GRID2: variants seen among roughly 807,000 people sequenced by gnomAD.
GRID2 encodes glutamate receptor ionotropic, delta-2.
A neutral mutation model predicts 114.8 loss-of-function variants in GRID2; 33 were observed. The observed-to-expected ratio is 0.29, with a 90% CI of 0.22 to 0.38. The LOEUF (loss-of-function observed/expected upper bound fraction) is 0.38, where lower values mean the gene tolerates loss of function less well. Among genes scored for constraint, GRID2 ranks in the 10% least tolerant of loss-of-function variants. The pLI is 1.00. For synonymous variants in GRID2, 505 were observed against 449.9 expected (o/e 1.12, Z -1.55); for missense variants, 1,184 against 1,257.7 (o/e 0.94, Z 0.89).
At chr4:92,755,657 C>T (rs1476782813) in intron 2 of GRID2, among the ~76,000 whole-genome samples, 1 of 151,790 alleles carries the variant, frequency 6.6e-6, no homozygotes, top group Non-Finnish European at 1.5e-5. Flanking sequence ...ATTAATGAAA[C>T]AAAAAGGAGG....
intron 2 of GRID2, among the ~76,000 whole-genome samples, chr4:92,766,358 G>A (rs923612573): frequency 1.3e-5 from 2 of 152,042 alleles, no homozygotes; most frequent in South Asian, 2.1e-4. Context: ...CTAACATGGT[G>A]AAACCCCGTC....
intron 13 of GRID2, among the ~76,000 whole-genome samples, chr4:93,547,774 T>C (rs1293756344): frequency 6.6e-6 from 1 of 152,166 alleles, no homozygotes; most frequent in African/African-American, 2.4e-5. Flanking sequence ...CTGACCTAAG[T>C]AGGAGCTTGT....
chr4:93,289,810 G>A (rs913528399), intron 8 of GRID2, among the ~76,000 whole-genome samples: 1 of 151,986 alleles, frequency 6.6e-6, no homozygotes, highest in Admixed American at 6.6e-5. Flanking sequence ...TTGTGGGTAC[G>A]TACATATAAC....
chr4:93,589,501 C>T (rs547073853), intron 13 of GRID2, among the ~76,000 whole-genome samples: 26 of 152,044 alleles, frequency 1.7e-4, no homozygotes, highest in Admixed American at 5.2e-4. Flanking sequence ...TGAATAATGC[C>T]GCAATAAACA....
At chr4:93,309,541 AAAT>A (rs144251678) in intron 8 of GRID2, among the ~76,000 whole-genome samples, 3 of 151,274 alleles carry the variant, frequency 2.0e-5, no homozygotes, top group Admixed American at 6.6e-5. Context: ...TTGTCTCAAA[AAAT>A]AATAATAATA....
intron 10 of GRID2, among the ~76,000 whole-genome samples, chr4:93,440,329 A>G (rs561294196): frequency 7.0e-4 from 107 of 152,162 alleles, no homozygotes; most frequent in African/African-American, 2.5e-3. Flanking sequence ...AAATGAGGAG[A>G]TAGCTTTGCA....
chr4:93,015,584 G>A (rs904958132), intron 2 of GRID2, among the ~76,000 whole-genome samples: 1 of 152,096 alleles, frequency 6.6e-6, no homozygotes, highest in Non-Finnish European at 1.5e-5. Flanking sequence ...CATGAACAAG[G>A]ACCTTCCTGG....
At chr4:92,867,058 A>T (rs1051690232) in intron 2 of GRID2, among the ~76,000 whole-genome samples, 5 of 152,092 alleles carry the variant, frequency 3.3e-5, no homozygotes, top group African/African-American at 1.2e-4. Flanking sequence ...AGTTTAAATG[A>T]TTTTTATTAC....
Position 92,894,734 on chromosome 4 carries a change from A to G in GRID2, c.245-190261A>G, listed in dbSNP as rs557223759. Among the ~76,000 whole-genome samples, 129 of 152,276 alleles carry G rather than the reference A, an allele frequency of 8.5e-4. 1 individual carries two copies. The highest frequency in any genetic ancestry group is 3.4e-3 in the Middle Eastern group (1 of 294). On this transcript the variant is annotated intron_variant, in intron 2 of 15. Transcript: ENST00000282020. ...ATAATAAGATTGTTGAAAGTTCTCAAAATCTTGTTCAGTGAACCGTGCTTG... is the reference window on the plus strand; with the variant it reads ...ATAATAAGATTGTTGAAAGTTCTCAGAATCTTGTTCAGTGAACCGTGCTTG...
intron 1 of GRID2, among the ~76,000 whole-genome samples, chr4:92,399,366 A>G (rs1196474368): frequency 1.3e-5 from 2 of 152,106 alleles, no homozygotes; most frequent in African/African-American, 2.4e-5. Context: ...GCCCACTCCT[A>G]ATTGGAACCC....
Position 93,395,685 on chromosome 4 carries a change from G to T in GRID2, c.1324G>T (p.Val442Phe), listed in dbSNP as rs749047247. The T allele has an allele frequency of 1.9e-6, 3 of 1,539,904 alleles. No homozygotes were observed. Among genetic ancestry groups the T allele is most frequent in the African/African-American group, 1.4e-5 (1 of 73,214 alleles). Residue 442 changes from valine (V) to phenylalanine (F), a missense_variant, in exon 9 of 16, where the codon GTT becomes TTT. By Grantham distance (50) the Val-to-Phe change is conservative. Coordinates refer to ENST00000282020, the MANE Select transcript of GRID2 (RefSeq NM_001510.4). ...ATTGGAGAATAACATGCGTGGAGTG[G>T]TTCTACGTGTAGTAACTGTTCTGGT... Reference protein sequence around the residue: ...KKLENNMRGVVLRVVTVLEEP... With the variant: ...KKLENNMRGVFLRVVTVLEEP...
intron 2 of GRID2, among the ~76,000 whole-genome samples, chr4:92,982,132 T>A (rs1337227319): frequency 6.6e-6 from 1 of 151,708 alleles, no homozygotes; most frequent in Non-Finnish European, 1.5e-5. Context: ...TACTCAACTT[T>A]CTCTCTGTTA....
chr4:93,260,286 C>A (rs999419135), intron 8 of GRID2, among the ~76,000 whole-genome samples: 1 of 151,186 alleles, frequency 6.6e-6, no homozygotes, highest in Non-Finnish European at 1.5e-5. Flanking sequence ...TATATGTTAT[C>A]TTTATAAGAA....
In GRID2 at chr4:92,528,275, A is replaced by AATAT. The variant is rs147742394; in HGVS notation, c.89-61841_89-61838dup. 4.0e-4 allele frequency among the ~76,000 whole-genome samples: 58 copies of AATAT among 145,450 alleles called. 1 individual carries two copies. The South Asian group carries it at 5.4e-3, about 13-fold the overall frequency. The stretch of plus-strand genomic sequence containing the variant: ...ATTAACCATTCTTACTTGGGTTATG[A>AATAT]ATATATATATATATATATTTTGAGT... On this transcript the variant is annotated intron_variant, in intron 1 of 15. Coordinates refer to ENST00000282020, the MANE Select transcript of GRID2 (RefSeq NM_001510.4).
Position 93,078,794 on chromosome 4 carries a change from AATTAT to A in GRID2, c.245-6197_245-6193del, listed in dbSNP as rs1272661025. On this transcript the variant is annotated intron_variant, in intron 2 of 15. Transcript: ENST00000282020. ...TTTATATACTGTATATACTAAATAT[AATTAT>A]ATTTATGTACTATATATACTAAATA... 2.0e-5 allele frequency among the ~76,000 whole-genome samples: 3 copies of A among 146,862 alleles called. No individual in the cohort carries two copies. The East Asian group carries it at 5.9e-4, about 29-fold the overall frequency.
At chr4:93,193,087 C>T (rs1238841409) in intron 4 of GRID2, among the ~76,000 whole-genome samples, 4 of 152,146 alleles carry the variant, frequency 2.6e-5, no homozygotes, top group Non-Finnish European at 5.9e-5. Flanking sequence ...ATTAGTGCTA[C>T]CAGAATACTC....
chr4:93,602,558 A>G (rs577474048), intron 13 of GRID2, among the ~76,000 whole-genome samples: 2 of 152,336 alleles, frequency 1.3e-5, no homozygotes, highest in South Asian at 4.1e-4. Flanking sequence ...GATATTTGAT[A>G]CTACTATTGC....
chr4:92,741,734 C>G (rs956349014), intron 2 of GRID2, among the ~76,000 whole-genome samples: 2 of 152,120 alleles, frequency 1.3e-5, no homozygotes, highest in East Asian at 3.9e-4. Context: ...CTTTTGAAAT[C>G]TTTTTTCCCC....
At chr4:93,170,853 TC>T (rs2149421924) in intron 4 of GRID2, among the ~76,000 whole-genome samples, 1 of 144,824 alleles carries the variant, frequency 6.9e-6, no homozygotes, top group African/African-American at 2.8e-5. Flanking sequence ...CATGTTTGAT[TC>T]TTTTTTTTTT....
Sources: allele counts gnomAD v4.1 joint callset (sites outside exome capture counted in the v4.1 genomes callset), GRCh38; gene constraint gnomAD v4.1.1; transcripts MANE v1.5; gene names NCBI Gene and HGNC (gene_info 2026-07-23, HGNC 2026-07-21).